Variants in NBEA observed in about 807,000 individuals in gnomAD.
The protein encoded by NBEA is lysosomal-trafficking regulator 2.
In NBEA, 44 loss-of-function variants were observed where a neutral mutation model predicts 343.4. The ratio of observed to expected loss-of-function variants is 0.13; its 90% CI spans 0.10 to 0.16. The LOEUF (loss-of-function observed/expected upper bound fraction) is 0.16, where lower values mean the gene tolerates loss of function less well. NBEA is among the 10% of genes least tolerant of loss of function. The probability of loss-of-function intolerance (pLI) is 1.00; values close to 1 mark genes in which losing one functional copy is unlikely to be tolerated. For synonymous variants in NBEA, 1,175 were observed against 1,238.7 expected (o/e 0.95, Z 1.08); for missense variants, 2,555 against 3,631.3 (o/e 0.70, Z 7.62).
intron 33 of NBEA, among the ~76,000 whole-genome samples, chr13:35,222,340 A>G (rs2074414513): frequency 6.6e-6 from 1 of 151,942 alleles, no homozygotes; most frequent in African/African-American, 2.4e-5. Flanking sequence ...AAACTTGTCT[A>G]TATTTTTATA....
Position 34,942,787 on chromosome 13 carries a change from C to T in NBEA, c.-34C>T, listed in dbSNP as rs1326734678. The stretch of plus-strand genomic sequence containing the variant: ...ATAACGGTACCGGCGGCGGCAGCGC[C>T]GCTGCTCTTCCCTTCTCCTCAGGAG... On this transcript the variant is annotated 5_prime_UTR_variant, in exon 1 of 59. Transcript: ENST00000379939. 4.6e-6 allele frequency: 6 copies of T among 1,316,506 alleles called. No individual in the cohort carries two copies. Among genetic ancestry groups the T allele is most frequent in the Non-Finnish European group, 5.8e-6 (6 of 1,034,318 alleles). 81.6% of individuals were successfully genotyped at this position (1,316,506 alleles called of 1,614,324 possible).
intron 40 of NBEA, among the ~76,000 whole-genome samples, chr13:35,471,382 T>C (rs754451132): frequency 2.0e-5 from 3 of 152,144 alleles, no homozygotes; most frequent in Admixed American, 6.5e-5. Context: ...CCGACTGTTA[T>C]TGTGACGCAT....
intron 34 of NBEA, among the ~76,000 whole-genome samples, chr13:35,288,736 G>C (rs2035601594): frequency 6.6e-6 from 1 of 151,862 alleles, no homozygotes; most frequent in East Asian, 1.9e-4. Context: ...TACACAAAAT[G>C]TATGCGAATA....
chr13:35,454,979 TA>T (rs1316045760), intron 40 of NBEA, among the ~76,000 whole-genome samples: 1 of 152,104 alleles, frequency 6.6e-6, no homozygotes, highest in African/African-American at 2.4e-5. Flanking sequence ...TTATATAAAG[TA>T]AAAAGTGCCT....
intron 43 of NBEA, among the ~76,000 whole-genome samples, chr13:35,553,584 T>A (rs1477966076): frequency 6.6e-6 from 1 of 152,152 alleles, no homozygotes; most frequent in Non-Finnish European, 1.5e-5. Context: ...TTACAAGAGA[T>A]ATTCTGCCAG....
In NBEA at chr13:35,003,094, T is replaced by C. The variant is rs545885556; in HGVS notation, c.295-37839T>C. Among the ~76,000 whole-genome samples the C allele has an allele frequency of 2.0e-5, 3 of 151,822 alleles. No individual in the cohort carries two copies. In the Middle Eastern group the frequency reaches 0.01, roughly 516 times the overall value. On this transcript the variant is annotated intron_variant, in intron 1 of 58. Coordinates refer to ENST00000379939, the MANE Select transcript of NBEA (RefSeq NM_001385012.1). ...CCAAAGATGGCAAGAAAGAAGAAAA[T>C]TATGCATAGAAAAACTTGAATCAAC...
intron 38 of NBEA, among the ~76,000 whole-genome samples, chr13:35,357,286 T>G (rs555098701): frequency 3.2e-4 from 49 of 151,928 alleles, no homozygotes; most frequent in Non-Finnish European, 1.0e-4. Context: ...GGTTTTTTTG[T>G]TTTTCTTTTT....
intron 34 of NBEA, among the ~76,000 whole-genome samples, chr13:35,262,328 G>A (rs1258246010): frequency 2.0e-5 from 3 of 152,176 alleles, no homozygotes; most frequent in Non-Finnish European, 4.4e-5. Flanking sequence ...CCATTTCTGA[G>A]TATTTTCCCT....
chr13:35,560,942 C>T (rs2079829980), intron 44 of NBEA, among the ~76,000 whole-genome samples: 1 of 152,122 alleles, frequency 6.6e-6, no homozygotes. Context: ...TCTTTGGTTC[C>T]CTACTGCCAT....
At chr13:35,067,230 A>G (rs2063687126) in intron 8 of NBEA, among the ~76,000 whole-genome samples, 1 of 152,100 alleles carries the variant, frequency 6.6e-6, no homozygotes, top group African/African-American at 2.4e-5. Context: ...CTGATTTATC[A>G]TTTATGAATC....
At chr13:35,345,432 A>G (rs561362865) in intron 36 of NBEA, among the ~76,000 whole-genome samples, 3 of 152,050 alleles carry the variant, frequency 2.0e-5, no homozygotes, top group African/African-American at 7.2e-5. Context: ...ATTTATTTAT[A>G]TATTTACATA....
intron 10 of NBEA, among the ~76,000 whole-genome samples, chr13:35,095,998 G>A (rs868539214): frequency 6.6e-6 from 1 of 151,856 alleles, no homozygotes; most frequent in African/African-American, 2.4e-5. Flanking sequence ...GTATCTAGGG[G>A]AGTTGGAAAT....
At chr13:35,501,379 A>G (rs896679785) in intron 41 of NBEA, among the ~76,000 whole-genome samples, 1 of 152,158 alleles carries the variant, frequency 6.6e-6, no homozygotes, top group African/African-American at 2.4e-5. Context: ...TTCTGATAAC[A>G]TAGATTTTCA....
chr13:35,399,858 T>A (rs1339032460), intron 38 of NBEA, among the ~76,000 whole-genome samples: 1 of 152,010 alleles, frequency 6.6e-6, no homozygotes, highest in Admixed American at 6.6e-5. Flanking sequence ...GGGTAATTCA[T>A]TGGCCTAATG....
intron 40 of NBEA, among the ~76,000 whole-genome samples, chr13:35,458,393 C>T (rs562734669): frequency 1.3e-5 from 2 of 152,138 alleles, no homozygotes; most frequent in Non-Finnish European, 2.9e-5. Flanking sequence ...AGCTTTGAAC[C>T]ATGAAGAAAT....
chr13:34,989,310 A>G (rs1448057104), intron 1 of NBEA, among the ~76,000 whole-genome samples: 1 of 151,064 alleles, frequency 6.6e-6, no homozygotes, highest in Admixed American at 6.6e-5. Context: ...ACTATAAGTA[A>G]CTACAAGAGA....
At chr13:35,169,570 C>T (rs2070306953) in intron 25 of NBEA, among the ~76,000 whole-genome samples, 1 of 151,366 alleles carries the variant, frequency 6.6e-6, no homozygotes, top group African/African-American at 2.4e-5. Context: ...CACTCAAAAC[C>T]ATTAAATAAT....
At chr13:35,647,981 T>C (rs985760797) in intron 51 of NBEA, among the ~76,000 whole-genome samples, 1 of 151,992 alleles carries the variant, frequency 6.6e-6, no homozygotes, top group Non-Finnish European at 1.5e-5. Flanking sequence ...GCTCACACGA[T>C]CTTTCTTCCT....
chr13:35,167,668 A>G (rs1211402358), intron 24 of NBEA, among the ~76,000 whole-genome samples: 1 of 151,830 alleles, frequency 6.6e-6, no homozygotes, highest in Admixed American at 6.6e-5. Flanking sequence ...AGTTTGGCCA[A>G]TCTTTGCTTT....
Sources: allele counts gnomAD v4.1 joint callset (sites outside exome capture counted in the v4.1 genomes callset), GRCh38; gene constraint gnomAD v4.1.1; transcripts MANE v1.5; gene names NCBI Gene and HGNC (gene_info 2026-07-23, HGNC 2026-07-21).